Variants in ITGBL1 observed in about 807,000 individuals in gnomAD.
ITGBL1 encodes the protein integrin subunit beta like 1.
A neutral mutation model predicts 68.5 loss-of-function variants in ITGBL1; 51 were observed. That is an observed-to-expected ratio of 0.74 (90% confidence interval 0.59 to 0.94). ITGBL1 has a LOEUF of 0.94. ITGBL1 is among the 40% of genes least tolerant of loss of function. The probability of loss-of-function intolerance (pLI) is 0.00; values close to 1 mark genes in which losing one functional copy is unlikely to be tolerated. For missense variants in ITGBL1, 649 were observed against 647.4 expected (o/e 1.00, Z -0.03); for synonymous variants, 209 against 227.3 (o/e 0.92, Z 0.72).
At chr13:101,675,428 A>G in intron 7 of ITGBL1, among the ~76,000 whole-genome samples, 1 of 152,180 alleles carries the variant, frequency 6.6e-6, no homozygotes. Context: ...CCTGGAAGCT[A>G]GAAATCCAAG....
intron 2 of ITGBL1, among the ~76,000 whole-genome samples, chr13:101,561,525 CA>C (rs1362031926): frequency 6.6e-6 from 1 of 152,040 alleles, no homozygotes; most frequent in Non-Finnish European, 1.5e-5. Context: ...ACATATCACA[CA>C]AAAACAAAGA....
intron 2 of ITGBL1, among the ~76,000 whole-genome samples, chr13:101,482,957 C>T (rs1013966829): frequency 6.6e-5 from 10 of 152,282 alleles, no homozygotes; most frequent in South Asian, 2.1e-4. Flanking sequence ...GCTCAACAGC[C>T]TGTGTATTAC....
chr13:101,631,189 A>G (rs1203466207), intron 7 of ITGBL1, among the ~76,000 whole-genome samples: 1 of 152,224 alleles, frequency 6.6e-6, no homozygotes, highest in Non-Finnish European at 1.5e-5. Flanking sequence ...CTACTGTTTC[A>G]TGAAATCATA....
chr13:101,654,272 A>G lies in ITGBL1; in HGVS notation c.1016-38313A>G, dbSNP rs116001086. Among the ~76,000 whole-genome samples the G allele has an allele frequency of 2.6e-3, 397 of 152,260 alleles. 1 individual carries two copies. Among genetic ancestry groups the G allele is most frequent in the African/African-American group, 8.5e-3 (352 of 41,568 alleles). Reference sequence around the variant, plus strand: ...TTTGGATTTTATTCCAAATTAATGAAGGCCCTTGGAAGATTTTTAGAAGGG... The same window carrying G: ...TTTGGATTTTATTCCAAATTAATGAGGGCCCTTGGAAGATTTTTAGAAGGG... On this transcript the variant is annotated intron_variant, in intron 7 of 10. Transcript: ENST00000376180.
intron 7 of ITGBL1, among the ~76,000 whole-genome samples, chr13:101,633,299 G>A (rs557817583): frequency 5.3e-5 from 8 of 152,140 alleles, no homozygotes; most frequent in Non-Finnish European, 8.8e-5. Flanking sequence ...TTGACCTGAG[G>A]AGAAGCAATA....
intron 7 of ITGBL1, among the ~76,000 whole-genome samples, chr13:101,664,689 C>A (rs900622852): frequency 2.0e-5 from 3 of 152,068 alleles, no homozygotes; most frequent in Non-Finnish European, 4.4e-5. Context: ...TATTCTGTTT[C>A]ATTTGCCTAT....
chr13:101,606,047 G>A (rs1329736191), intron 7 of ITGBL1, among the ~76,000 whole-genome samples: 2 of 140,940 alleles, frequency 1.4e-5, no homozygotes, highest in African/African-American at 5.2e-5. Context: ...TATGATATAA[G>A]GCTATCCTTG....
chr13:101,527,646 G>C (rs139500658), intron 2 of ITGBL1, among the ~76,000 whole-genome samples: 1 of 151,988 alleles, frequency 6.6e-6, no homozygotes, highest in Non-Finnish European at 1.5e-5. Flanking sequence ...ATGTCTGGGA[G>C]TTCTGGTTAC....
intron 2 of ITGBL1, among the ~76,000 whole-genome samples, chr13:101,524,563 G>A (rs1001898363): frequency 1.3e-5 from 2 of 149,794 alleles, no homozygotes; most frequent in South Asian, 2.1e-4. Context: ...GCATTTGTTT[G>A]TGTAATTATT....
intron 2 of ITGBL1, among the ~76,000 whole-genome samples, chr13:101,457,180 A>G (rs1435391515): frequency 2.0e-5 from 3 of 152,222 alleles, no homozygotes; most frequent in Non-Finnish European, 4.4e-5. Context: ...ATGATGCATA[A>G]CAAGTGGGCT....
At chr13:101,559,001 T>C (rs1566731669) in intron 2 of ITGBL1, among the ~76,000 whole-genome samples, 2 of 152,222 alleles carry the variant, frequency 1.3e-5, no homozygotes, top group Non-Finnish European at 2.9e-5. Flanking sequence ...TCAGCCAAAA[T>C]ACTGTGTTTT....
At chr13:101,605,859 T>C (rs548939598) in intron 7 of ITGBL1, among the ~76,000 whole-genome samples, 1 of 150,254 alleles carries the variant, frequency 6.7e-6, no homozygotes, top group Non-Finnish European at 1.5e-5. Context: ...TGTATGTGTG[T>C]ATATGTGTAT....
intron 2 of ITGBL1, among the ~76,000 whole-genome samples, chr13:101,535,793 C>G (rs1234363204): frequency 1.3e-5 from 2 of 152,008 alleles, no homozygotes; most frequent in Admixed American, 1.3e-4. Flanking sequence ...AAAATTTTTC[C>G]TTGCAAAATT....
chr13:101,574,862 T>C (rs1176050443), intron 3 of ITGBL1, among the ~76,000 whole-genome samples: 1 of 152,160 alleles, frequency 6.6e-6, no homozygotes, highest in Non-Finnish European at 1.5e-5. Context: ...AAATCCACTC[T>C]TGTCCCATTA....
chr13:101,514,511 T>C (rs545933460), intron 2 of ITGBL1, among the ~76,000 whole-genome samples: 32 of 152,186 alleles, frequency 2.1e-4, no homozygotes, highest in African/African-American at 6.5e-4. Context: ...AAGTCTCTCA[T>C]TTCTTCTTTA....
chr13:101,623,887 T>A lies in ITGBL1; in HGVS notation c.1015+25588T>A, dbSNP rs1435826777. On this transcript the variant is annotated intron_variant, in intron 7 of 10. Transcript: ENST00000376180. ...CCTTCTGGGCCTGTTTTTGGCCTTC[T>A]GGCCCTGTTTTAAATCCCATTTTTA... Among the ~76,000 whole-genome samples the A allele has an allele frequency of 2.6e-4, 39 of 152,234 alleles. 1 individual carries two copies. The highest frequency in any genetic ancestry group is 2.0e-3 in the Admixed American group (30 of 15,284).
chr13:101,510,096 T>A (rs1351770863), intron 2 of ITGBL1, among the ~76,000 whole-genome samples: 1 of 152,148 alleles, frequency 6.6e-6, no homozygotes, highest in Non-Finnish European at 1.5e-5. Context: ...GTTACATGGG[T>A]ATATTGGACC....
intron 2 of ITGBL1, among the ~76,000 whole-genome samples, chr13:101,497,054 G>A (rs1191406426): frequency 2.6e-5 from 4 of 152,180 alleles, no homozygotes; most frequent in African/African-American, 9.6e-5. Flanking sequence ...TGAGAGGCCT[G>A]GGGGCCTGCT....
rs573962869 is a variant in ITGBL1 at position 101,514,458 on chromosome 13, T to A, written c.317-53241T>A. Among the ~76,000 whole-genome samples the A allele has an allele frequency of 4.6e-5, 7 of 152,228 alleles. No homozygotes were observed. The South Asian group carries it at 8.3e-4, about 18-fold the overall frequency. Reference sequence around the variant, plus strand: ...TGAATGACATCAAATTATTATTATTTTTTTTGGTTAGGAATCAGTTTTAGG... The same window carrying A: ...TGAATGACATCAAATTATTATTATTATTTTTGGTTAGGAATCAGTTTTAGG... On this transcript the variant is annotated intron_variant, in intron 2 of 10. Coordinates refer to ENST00000376180, the MANE Select transcript of ITGBL1 (RefSeq NM_004791.3).
Sources: allele counts gnomAD v4.1 joint callset (sites outside exome capture counted in the v4.1 genomes callset), GRCh38; gene constraint gnomAD v4.1.1; transcripts MANE v1.5; gene names NCBI Gene and HGNC (gene_info 2026-07-23, HGNC 2026-07-21).